Variants in ASPDH observed in about 807,000 individuals in gnomAD.
The protein encoded by ASPDH is aspartate dehydrogenase domain-containing protein.
ASPDH carries 25 observed loss-of-function variants against 30.5 expected under a neutral mutation model. That is an observed-to-expected ratio of 0.82 (90% CI 0.60 to 1.14). ASPDH has a LOEUF of 1.14. ASPDH is among the 50% of genes most tolerant of loss of function. The pLI, the probability that ASPDH is intolerant of heterozygous loss-of-function variation, is 0.00. For missense variants in ASPDH, 401 were observed against 381.5 expected, an observed-to-expected ratio of 1.05 and a Z score of -0.43; for synonymous variants, 168 against 156.3, an observed-to-expected ratio of 1.07 and a Z score of -0.56.
Position 50,513,029 on chromosome 19 carries a change from G to A in ASPDH, c.198-18C>T. On this transcript the variant is annotated intron_variant, in intron 2 of 6. Coordinates refer to ENST00000389208, the MANE Select transcript of ASPDH (RefSeq NM_001114598.2). The surrounding 1 kb of genome is among the most constrained non-coding windows in gnomAD (Gnocchi z 4.9). The stretch of plus-strand genomic sequence containing the variant: ...CAGGGCGCCTGGGAGAGGGGAAAGA[G>A]GGCGGAGGGTCTTGGAGAGGTATTA... 3.1e-6 allele frequency: 5 copies of A among 1,601,996 alleles called. No individual in the cohort carries two copies. Among genetic ancestry groups the A allele is most frequent in the Non-Finnish European group, 3.4e-6 (4 of 1,170,848 alleles).
intron 6 of ASPDH, 177 bp from the exon 7 acceptor site, chr19:50,511,950 G>GCACAGAGACTCAGGGACGCGGA (rs56250057): frequency 1.5e-6 from 1 of 663,152 alleles, no homozygotes; most frequent in African/African-American, 1.9e-5. Flanking sequence ...TCAGAGGCGG[G>GCACAGAGACTCAGGGACGCGGA]CACAAATGGA....
upstream of ASPDH, chr19:50,514,841 T>C (rs1980165321): frequency 2.0e-6 from 2 of 985,204 alleles, no homozygotes; most frequent in Non-Finnish European, 2.4e-6. Context: ...GAGCCCCAAG[T>C]TGACGGGAGG....
Position 50,513,598 on chromosome 19 carries a change from G to T in ASPDH, c.52+174C>A, listed in dbSNP as rs983950361. 6.6e-6 allele frequency among the ~76,000 whole-genome samples: 1 copy of T among 152,080 alleles called. No homozygotes were observed. The highest frequency in any genetic ancestry group is 1.5e-5 in the Non-Finnish European group (1 of 67,996). Reference sequence around the variant, plus strand: ...AGTGGGGTGGACAGAGGCCCAGAGAGAAGGGAGACAGAGACGGAGAGGACA... The same window carrying T: ...AGTGGGGTGGACAGAGGCCCAGAGATAAGGGAGACAGAGACGGAGAGGACA... On this transcript the variant is annotated intron_variant, in intron 1 of 6. Coordinates refer to ENST00000389208, the MANE Select transcript of ASPDH (RefSeq NM_001114598.2). The surrounding 1 kb of genome is among the most constrained non-coding windows in gnomAD (Gnocchi z 4.9).
In ASPDH at chr19:50,513,424, G is replaced by A; in HGVS notation, c.53-8C>T. Reference sequence around the variant, plus strand: ...GGGAGACGAGGGACTGTCCTGGGGAGAGGGAAAGGAGAGGGCTAGAGATCC... The same window carrying A: ...GGGAGACGAGGGACTGTCCTGGGGAAAGGGAAAGGAGAGGGCTAGAGATCC... On this transcript the variant is annotated splice_region_variant and splice_polypyrimidine_tract_variant and intron_variant, in intron 1 of 6. Coordinates refer to ENST00000389208, the MANE Select transcript of ASPDH (RefSeq NM_001114598.2). This position sits in a 1 kb window ranked among gnomAD's most constrained non-coding sequence, Gnocchi z 4.9. 1 of 1,474,108 alleles carries A rather than the reference G, an allele frequency of 6.8e-7. No homozygotes were observed. 91.3% of individuals were successfully genotyped at this position (1,474,108 alleles called of 1,614,324 possible). A position where few individuals can be genotyped will look rare whatever the true frequency, so the allele number is the denominator to read the frequency against.
Position 50,513,636 on chromosome 19 carries a change from G to C in ASPDH, c.52+136C>G, listed in dbSNP as rs537068882. 3.1e-5 allele frequency: 24 copies of C among 782,690 alleles called. No individual in the cohort carries two copies. Among genetic ancestry groups the C allele is most frequent in the African/African-American group, 2.4e-4 (14 of 57,430 alleles). 48.5% of individuals were successfully genotyped at this position (782,690 alleles called of 1,614,324 possible). On this transcript the variant is annotated intron_variant, in intron 1 of 6. Coordinates refer to ENST00000389208, the MANE Select transcript of ASPDH (RefSeq NM_001114598.2). This position sits in a 1 kb window ranked among gnomAD's most constrained non-coding sequence, Gnocchi z 4.9. ...GACGGAGAGGACAGAGACCTGGGGT[G>C]GGGGTGCAGTGGGCAGACCCAGAGA...
chr19:50,511,918 A>G, intron 6 of ASPDH, 145 bp from the exon 7 acceptor site: 1 of 518,176 alleles, frequency 1.9e-6, no homozygotes, highest in Non-Finnish European at 3.0e-6. Flanking sequence ...CTGGGGGTGG[A>G]CAGAGACAGA....
In ASPDH at chr19:50,511,603, G is replaced by T. The variant is rs527493722; in HGVS notation, c.*127C>A. The T allele has an allele frequency of 4.2e-5, 21 of 500,400 alleles. No homozygotes were observed. The South Asian group carries it at 9.9e-4, about 24-fold the overall frequency. The allele number at this position is 500,400 out of a possible 1,614,324, so 31.0% of individuals were successfully genotyped here. On this transcript the variant is annotated 3_prime_UTR_variant, in exon 7 of 7. Transcript: ENST00000389208. ...AGGGATCAGAGACGCCAGGCGGTGC[G>T]GGGGGAGGCAGCGGTGATCTTTACT... is the stretch of plus-strand genomic sequence containing the variant.
At chr19:50,514,383 A>T, upstream of ASPDH, 1 of 1,568,900 alleles carries the variant, frequency 6.4e-7, no homozygotes, top group Non-Finnish European at 8.7e-7. Flanking sequence ...CAGCGGGTCC[A>T]ACCTCCCTAG....
Position 50,513,558 on chromosome 19 carries a change from GC to G in ASPDH, c.53-143del. 1.1e-6 allele frequency: 1 copy of G among 897,734 alleles called. No homozygotes were observed. Among genetic ancestry groups the G allele is most frequent in the Non-Finnish European group, 1.7e-6 (1 of 596,672 alleles). 55.6% of individuals were successfully genotyped at this position (897,734 alleles called of 1,614,324 possible). Reference sequence around the variant, plus strand: ...GCGGGGTAGGGAGACAGAGATGGGGGCAGGGCAGAGACACAGTGGGGTGGAC... The same window carrying G: ...GCGGGGTAGGGAGACAGAGATGGGGGAGGGCAGAGACACAGTGGGGTGGAC... On this transcript the variant is annotated intron_variant, in intron 1 of 6. Transcript: ENST00000389208. This position sits in a 1 kb window ranked among gnomAD's most constrained non-coding sequence, Gnocchi z 4.9.
In ASPDH at chr19:50,513,903, T is replaced by C; in HGVS notation, c.-80A>G. On this transcript the variant is annotated 5_prime_UTR_variant, in exon 1 of 7. Transcript: ENST00000389208. This position sits in a 1 kb window ranked among gnomAD's most constrained non-coding sequence, Gnocchi z 4.9. ...CACAAGGCCTGGGCAGCCGCTGCTC[T>C]TTGGACATCTGACCCTTGAGCCTCT... 1.3e-6 allele frequency: 2 copies of C among 1,489,540 alleles called. No individual in the cohort carries two copies. Among genetic ancestry groups the C allele is most frequent in the Non-Finnish European group, 1.8e-6 (2 of 1,111,836 alleles). 92.3% of individuals were successfully genotyped at this position (1,489,540 alleles called of 1,614,324 possible).
In ASPDH at chr19:50,512,982, T is replaced by C; in HGVS notation, c.227A>G (p.His76Arg). 6.2e-7 allele frequency: 1 copy of C among 1,613,648 alleles called. No individual in the cohort carries two copies. Among genetic ancestry groups the C allele is most frequent in the African/African-American group, 1.3e-5 (1 of 75,026 alleles). ...RRPDLVVEVA[H>R]PKIIHESGAQ... ...CCCAGATTCATGGATTATTTTGGGATGGGCCACTTCCACAACCAGATCAGG... is the reference window on the plus strand; with the variant it reads ...CCCAGATTCATGGATTATTTTGGGACGGGCCACTTCCACAACCAGATCAGG... Residue 76 changes from histidine (H) to arginine (R), a missense_variant, in exon 3 of 7, where the codon CAT becomes CGT. Coordinates refer to ENST00000389208, the MANE Select transcript of ASPDH (RefSeq NM_001114598.2).
chr19:50,514,344 T>G, upstream of ASPDH: 2 of 1,273,966 alleles, frequency 1.6e-6, no homozygotes, highest in South Asian at 1.2e-5. Flanking sequence ...GAGCCCTGGT[T>G]GTGGCTTCTC....
At position 50,512,800 on chromosome 19, in the gene ASPDH, G is replaced by A; in HGVS notation, c.293C>T (p.Pro98Leu). 1 of 1,595,644 alleles carries A rather than the reference G, an allele frequency of 6.3e-7. No homozygotes were observed. Among genetic ancestry groups the A allele is most frequent in the Non-Finnish European group, 8.5e-7 (1 of 1,171,064 alleles). The change falls in exon 4 of 7, where the codon CCC (proline) becomes CTC (leucine). Residue 98 changes from proline (P) to leucine (L), a missense_variant. Coordinates refer to ENST00000389208, the MANE Select transcript of ASPDH (RefSeq NM_001114598.2). ...LRHANLLVGS[P>L]SALSDQTTER... ...TGTGGTCTGGTCACTTAGAGCTGAG[G>A]GGGACCCCACCTGGGGTGGATGAAG...
chr19:50,512,835 G>T (rs753188126), intron 3 of ASPDH, 25 bp from the exon 4 acceptor site: 4 of 1,601,156 alleles, frequency 2.5e-6, no homozygotes, highest in South Asian at 1.1e-5. Context: ...GGAGGGGAGG[G>T]TTGAGGTCAG....
Position 50,512,717 on chromosome 19 carries a change from C to G in ASPDH, c.376G>C (p.Gly126Arg). The G allele has an allele frequency of 6.4e-7, 1 of 1,552,192 alleles. No individual in the cohort carries two copies. Among genetic ancestry groups the G allele is most frequent in the Non-Finnish European group, 8.7e-7 (1 of 1,147,664 alleles). Residue 126 changes from glycine to arginine, a missense_variant, in exon 4 of 7, where the codon GGG becomes CGG. Coordinates refer to ENST00000389208, the MANE Select transcript of ASPDH (RefSeq NM_001114598.2). ...ATGTCCTCAGCGCCCCACAGGGCCC[C>G]TCGGGCCACAAACACGGCGTGGTCC... ...HWDHAVFVAR[G>R]ALWGAEDIRR...
rs1413103402 is a variant in ASPDH at position 50,513,263 on chromosome 19, G to A, written c.197+9C>T. On this transcript the variant is annotated intron_variant, in intron 2 of 6. Transcript: ENST00000389208. This position sits in a 1 kb window ranked among gnomAD's most constrained non-coding sequence, Gnocchi z 4.9. ...GGGAGCTCCACTCTCCCATGGCAAG[G>A]TCACTGACCTTTCCCCAAGGGCAGC... 6.8e-7 allele frequency: 1 copy of A among 1,466,532 alleles called. No individual in the cohort carries two copies. Among genetic ancestry groups the A allele is most frequent in the Non-Finnish European group, 9.0e-7 (1 of 1,106,688 alleles). The allele number at this position is 1,466,532 out of a possible 1,614,324, so 90.8% of individuals were successfully genotyped here. A position where few individuals can be genotyped will look rare whatever the true frequency, so the allele number is the denominator to read the frequency against.
In ASPDH at chr19:50,512,266, A is replaced by G. The variant is rs1979970917; in HGVS notation, c.678T>C (p.Asp226=). Residue 226 remains aspartate (D), a synonymous_variant, in exon 6 of 7, where the codon GAT becomes GAC. Coordinates refer to ENST00000389208, the MANE Select transcript of ASPDH (RefSeq NM_001114598.2). ...GGCCCCGGGGTCCGCTCAGCTCTAC[A>G]TCCACCACGTGCATGTCCGTGAGGC... ...DTSLTDMHVV[D]VELSGPRGPT... The G allele has an allele frequency of 1.2e-6, 2 of 1,613,560 alleles. No individual in the cohort carries two copies. Among genetic ancestry groups the G allele is most frequent in the Non-Finnish European group, 1.7e-6 (2 of 1,179,910 alleles).
rs1425385077 is a variant in ASPDH at position 50,513,176 on chromosome 19, A to G, written c.197+96T>C. On this transcript the variant is annotated intron_variant, in intron 2 of 6. Transcript: ENST00000389208. This position sits in a 1 kb window ranked among gnomAD's most constrained non-coding sequence, Gnocchi z 4.9. Reference sequence around the variant, plus strand: ...TTCACATTTGCTTGAACCAAGGCCCAGAGAGGGTCAGGGAACCCCTGAGAT... The same window carrying G: ...TTCACATTTGCTTGAACCAAGGCCCGGAGAGGGTCAGGGAACCCCTGAGAT... The G allele has an allele frequency of 7.5e-7, 1 of 1,328,148 alleles. No individual in the cohort carries two copies. The highest frequency in any genetic ancestry group is 1.0e-6 in the Non-Finnish European group (1 of 987,822). The allele number at this position is 1,328,148 out of a possible 1,614,324, so 82.3% of individuals were successfully genotyped here.
intron 4 of ASPDH, 32 bp from the exon 5 acceptor site, chr19:50,512,612 G>A (rs2305761): frequency 0.26 from 392,553 of 1,508,302 alleles, 51,985 homozygotes; most frequent in Non-Finnish European, 0.27. Flanking sequence ...AGGGGGAGTG[G>A]GGTCTTTGCA....
Sources: gnomAD v4.1 joint callset for allele counts (sites outside exome capture counted in the v4.1 genomes callset) on GRCh38, gnomAD v4.1.1 for gene constraint, Gnocchi (gnomAD v3.1) non-coding constraint, MANE v1.5 for transcripts, NCBI Gene and HGNC (gene_info 2026-07-23, HGNC 2026-07-21) for gene names.